The following CCDC12 variants were observed in gnomAD, a reference collection of about 807,000 sequenced individuals.
The protein encoded by CCDC12 is coiled-coil domain-containing protein 12.
In CCDC12, 28 loss-of-function variants were observed where a neutral mutation model predicts 25.7. That is an observed-to-expected ratio of 1.09 (90% CI 0.81 to 1.50). The LOEUF is 1.50. Among genes scored for constraint, CCDC12 ranks in the 40% most tolerant of loss-of-function variants. The pLI is 0.00. For missense variants in CCDC12, 198 were observed against 210.0 expected, an observed-to-expected ratio of 0.94 and a Z score of 0.35; for synonymous variants, 75 against 87.7, an observed-to-expected ratio of 0.86 and a Z score of 0.81.
intron 4 of CCDC12, 32 bp downstream of exon 4, chr3:46,923,575 A>C: frequency 6.3e-7 from 1 of 1,598,704 alleles, no homozygotes; most frequent in Non-Finnish European, 8.5e-7. Context: ...ACACAGAAGC[A>C]GCGAGGATGC....
chr3:46,966,522 A>AC (rs1354961185), intron 1 of CCDC12, among the ~76,000 whole-genome samples: 20 of 152,044 alleles, frequency 1.3e-4, no homozygotes, highest in African/African-American at 3.1e-4. Context: ...TCTCAAAAAA[A>AC]AAAAGAAAGA....
intron 1 of CCDC12, among the ~76,000 whole-genome samples, chr3:46,949,097 T>C (rs2034017266): frequency 6.6e-6 from 1 of 152,092 alleles, no homozygotes; most frequent in Non-Finnish European, 1.5e-5. Flanking sequence ...AGGTGAATCT[T>C]AGTGGATGAG....
intron 1 of CCDC12, among the ~76,000 whole-genome samples, chr3:46,957,994 CACAT>C (rs1173716886): frequency 6.1e-5 from 9 of 147,074 alleles, no homozygotes; most frequent in African/African-American, 1.8e-4. Flanking sequence ...CACACACACA[CACAT>C]ATATATGTAA....
intron 2 of CCDC12, among the ~76,000 whole-genome samples, chr3:46,930,203 T>A (rs1315241107): frequency 6.6e-6 from 1 of 152,158 alleles, no homozygotes; most frequent in Non-Finnish European, 1.5e-5. Context: ...CTTCTCTGAT[T>A]TTCTGTAGTT....
In CCDC12 at chr3:46,922,607, C is replaced by T. The variant is rs142592337; in HGVS notation, c.342-295G>A. 2,416 of 479,870 alleles carry T rather than the reference C, an allele frequency of 5.0e-3. 10 individuals are homozygous for T. Among genetic ancestry groups the T allele is most frequent in the Non-Finnish European group, 7.3e-3 (1,912 of 262,986 alleles). The allele number at this position is 479,870 out of a possible 1,614,324, so 29.7% of individuals were successfully genotyped here. On this transcript the variant is annotated intron_variant, in intron 5 of 6. Transcript: ENST00000683445. ...AGAGACCCTCTCTTGCTCTGGTCCTCTGGTCACCATCAGGGAGTGACTTGC... is the reference window on the plus strand; with the variant it reads ...AGAGACCCTCTCTTGCTCTGGTCCTTTGGTCACCATCAGGGAGTGACTTGC...
upstream of CCDC12, among the ~76,000 whole-genome samples, chr3:46,977,550 C>T (rs2035033929): frequency 6.6e-6 from 1 of 152,026 alleles, no homozygotes; most frequent in South Asian, 2.1e-4. Context: ...TGACTTACAC[C>T]TCTGCAGCTG....
At chr3:46,931,218 A>C (rs963309114) in intron 2 of CCDC12, among the ~76,000 whole-genome samples, 23 of 152,106 alleles carry the variant, frequency 1.5e-4, no homozygotes, top group African/African-American at 5.6e-4. Context: ...TGGGTAGCTG[A>C]CCTTTTCTAT....
intron 1 of CCDC12, among the ~76,000 whole-genome samples, chr3:46,967,398 C>A (rs955394974): frequency 6.6e-6 from 1 of 152,182 alleles, no homozygotes; most frequent in African/African-American, 2.4e-5. Context: ...CCTCCCAGGC[C>A]CTCTCCACCC....
At chr3:46,929,287 C>CA (rs2033105884) in intron 2 of CCDC12, among the ~76,000 whole-genome samples, 2 of 152,120 alleles carry the variant, frequency 1.3e-5, no homozygotes, top group South Asian at 2.1e-4. Context: ...TAATTAAAAA[C>CA]AAAAAAATCC....
At position 46,941,061 on chromosome 3, in the gene CCDC12, T is replaced by C. The variant is rs1207394612; in HGVS notation, c.101A>G (p.Lys34Arg). The C allele has an allele frequency of 1.2e-6, 2 of 1,614,158 alleles. No homozygotes were observed. The highest frequency in any genetic ancestry group is 2.2e-5 in the East Asian group (1 of 44,866). ...CTTGGTCTTTGGCTCCCCATCTTCCTTGTCCTGCAAAGAAAGGGAGAAAAC... is the reference window on the plus strand; with the variant it reads ...CTTGGTCTTTGGCTCCCCATCTTCCCTGTCCTGCAAAGAAAGGGAGAAAAC... The part of the protein sequence containing the change: ...ALREKTGRKD[K>R]EDGEPKTKHL... The change falls in exon 2 of 7, where the codon AAG (lysine) becomes AGG (arginine). Residue 34 changes from lysine to arginine, a missense_variant. By Grantham distance (26) the Lys-to-Arg change is conservative (BLOSUM62 2). Coordinates refer to ENST00000683445, the MANE Select transcript of CCDC12 (RefSeq NM_001277074.2).
intron 2 of CCDC12, among the ~76,000 whole-genome samples, chr3:46,934,925 A>C (rs1358359059): frequency 6.6e-6 from 1 of 152,220 alleles, no homozygotes; most frequent in Non-Finnish European, 1.5e-5. Context: ...AATCAAGCTG[A>C]TGTCATGGAT....
At chr3:46,946,989 G>C in intron 1 of CCDC12, among the ~76,000 whole-genome samples, 1 of 152,110 alleles carries the variant, frequency 6.6e-6, no homozygotes, top group East Asian at 1.9e-4. Flanking sequence ...TTCTCATCTA[G>C]GGTCTTCCCA....
At chr3:46,975,841 A>ATTTTT (rs11356624) in intron 1 of CCDC12, among the ~76,000 whole-genome samples, 4 of 70,374 alleles carry the variant, frequency 5.7e-5, no homozygotes, top group Non-Finnish European at 1.1e-4. Flanking sequence ...TTTATTTTCG[A>ATTTTT]TTTTTTTTTT....
chr3:46,972,723 C>G (rs1026819044), intron 1 of CCDC12, among the ~76,000 whole-genome samples: 1 of 150,198 alleles, frequency 6.7e-6, no homozygotes, highest in Non-Finnish European at 1.5e-5. Context: ...CACTTGAACC[C>G]AGGAGTTCAA....
intron 2 of CCDC12, among the ~76,000 whole-genome samples, chr3:46,932,160 C>T (rs572542069): frequency 6.6e-6 from 1 of 152,284 alleles, no homozygotes; most frequent in South Asian, 2.1e-4. Flanking sequence ...ACCCGGTAAC[C>T]CTGCTCTGGG....
At chr3:46,976,362 AC>A in intron 1 of CCDC12, 1 of 1,366,644 alleles carries the variant, frequency 7.3e-7, no homozygotes, top group Non-Finnish European at 9.4e-7. Flanking sequence ...CACGAGCAAC[AC>A]CCGGGAAGCA....
intron 1 of CCDC12, among the ~76,000 whole-genome samples, chr3:46,942,312 C>T (rs1214138740): frequency 5.3e-5 from 8 of 152,252 alleles, no homozygotes; most frequent in Non-Finnish European, 1.2e-4. Context: ...GTGGGTCTCC[C>T]TGCATGCCAG....
At position 46,958,218 on chromosome 3, in the gene CCDC12, G is replaced by A. The variant is rs74560796; in HGVS notation, c.97-17153C>T. 2.1e-3 allele frequency among the ~76,000 whole-genome samples: 324 copies of A among 152,200 alleles called. 3 individuals carry two copies. The highest frequency in any genetic ancestry group is 7.5e-3 in the African/African-American group (310 of 41,496). On this transcript the variant is annotated intron_variant, in intron 1 of 6. Coordinates refer to ENST00000683445, the MANE Select transcript of CCDC12 (RefSeq NM_001277074.2). ...AGTTTATTGGGAGACTAAAAGGAAC[G>A]CCCCAAACCTCCATGATTTAGCAGG...
intron 1 of CCDC12, 98 bp from the exon 2 acceptor site, chr3:46,941,163 G>A (rs2033686896): frequency 4.3e-6 from 5 of 1,173,456 alleles, no homozygotes; most frequent in Non-Finnish European, 6.4e-6. Flanking sequence ...TCAGAAGGGG[G>A]GCACCTGGCA....
Sources: allele counts gnomAD v4.1 joint callset (sites outside exome capture counted in the v4.1 genomes callset), GRCh38; gene constraint gnomAD v4.1.1; transcripts MANE v1.5; gene names NCBI Gene and HGNC (gene_info 2026-07-23, HGNC 2026-07-21).